The following PTPRT variants were observed in gnomAD, a reference collection of about 807,000 sequenced individuals.
The protein encoded by PTPRT is receptor-type tyrosine-protein phosphatase T.
Under a neutral mutation model 176.8 loss-of-function variants are expected in PTPRT, and 56 were observed. That is an observed-to-expected ratio of 0.32 (90% CI 0.26 to 0.40). PTPRT has a LOEUF of 0.40. Among genes scored for constraint, PTPRT ranks in the 10% least tolerant of loss-of-function variants. The probability of loss-of-function intolerance (pLI) is 1.00; values close to 1 mark genes in which losing one functional copy is unlikely to be tolerated. For missense variants in PTPRT, 1,540 were observed against 1,908.2 expected (o/e 0.81, Z 3.60); for synonymous variants, 783 against 739.0 (o/e 1.06, Z -0.96).
At chr20:42,086,753 A>AAAAAAAAAATATATATATATAT (rs1983991312) in intron 27 of PTPRT, among the ~76,000 whole-genome samples, 1 of 95,544 alleles carries the variant, frequency 1.0e-5, no homozygotes, top group African/African-American at 4.9e-5. Context: ...AAAAAAAAAA[A>AAAAAAAAAATATATATATATAT]ATATATATAT....
chr20:42,082,092 G>A, intron 29 of PTPRT, 75 bp from the exon 30 acceptor site: 2 of 1,598,990 alleles, frequency 1.3e-6, no homozygotes, highest in Non-Finnish European at 1.7e-6. Context: ...AGCTACATCA[G>A]TAGGAGTAGG....
intron 1 of PTPRT, among the ~76,000 whole-genome samples, chr20:43,059,762 T>A (rs370325980): frequency 2.0e-5 from 3 of 152,140 alleles, no homozygotes; most frequent in East Asian, 3.9e-4. Flanking sequence ...GCAGATCAAC[T>A]GATGTCAGGA....
chr20:43,034,860 A>AG (rs1164265158), intron 1 of PTPRT, among the ~76,000 whole-genome samples: 1 of 151,842 alleles, frequency 6.6e-6, no homozygotes, highest in African/African-American at 2.4e-5. Flanking sequence ...CTTGCTGGAG[A>AG]GGGGGGTCCC....
chr20:42,460,409 T>A (rs1364010616), intron 8 of PTPRT, among the ~76,000 whole-genome samples: 1 of 152,116 alleles, frequency 6.6e-6, no homozygotes, highest in Non-Finnish European at 1.5e-5. Context: ...TGGCATCGAG[T>A]AGCTGCTACA....
intron 8 of PTPRT, among the ~76,000 whole-genome samples, chr20:42,462,735 T>C (rs1308758841): frequency 6.6e-6 from 1 of 152,198 alleles, no homozygotes; most frequent in Non-Finnish European, 1.5e-5. Context: ...TGTTTTTTCC[T>C]GAACACCCTG....
intron 24 of PTPRT, 148 bp downstream of exon 24, chr20:42,106,638 T>A (rs1986470421): frequency 2.8e-6 from 3 of 1,080,232 alleles, no homozygotes; most frequent in South Asian, 3.5e-5. Flanking sequence ...CTCACCATAG[T>A]AAGCCACGTG....
chr20:42,341,278 C>T (rs1293666770), intron 11 of PTPRT, among the ~76,000 whole-genome samples: 2 of 152,124 alleles, frequency 1.3e-5, no homozygotes, highest in Non-Finnish European at 2.9e-5. Context: ...CTTTTTAAAG[C>T]AAGCCTACAC....
intron 16 of PTPRT, among the ~76,000 whole-genome samples, chr20:42,175,719 T>C (rs571014665): frequency 6.9e-4 from 105 of 152,270 alleles, no homozygotes; most frequent in African/African-American, 2.4e-3. Context: ...ATTAATGATG[T>C]GTACAGTTAA....
chr20:42,111,286 A>G (rs994375108), intron 22 of PTPRT, among the ~76,000 whole-genome samples: 2 of 147,834 alleles, frequency 1.4e-5, no homozygotes, highest in African/African-American at 5.1e-5. Flanking sequence ...CTGAATAGGA[A>G]GAGTCTGTTT....
At chr20:42,539,679 A>G (rs1317937596) in intron 7 of PTPRT, among the ~76,000 whole-genome samples, 1 of 151,984 alleles carries the variant, frequency 6.6e-6, no homozygotes, top group Non-Finnish European at 1.5e-5. Flanking sequence ...AAAACAAACT[A>G]TTACTAACAT....
intron 7 of PTPRT, among the ~76,000 whole-genome samples, chr20:42,595,609 C>A (rs2073656432): frequency 6.6e-6 from 1 of 152,158 alleles, no homozygotes; most frequent in Non-Finnish European, 1.5e-5. Context: ...CCTATAAGCC[C>A]ACCGACTGGA....
At chr20:42,356,191 GA>G (rs1197606749) in intron 9 of PTPRT, among the ~76,000 whole-genome samples, 7 of 152,078 alleles carry the variant, frequency 4.6e-5, no homozygotes, top group Non-Finnish European at 7.3e-5. Context: ...AATATAATAT[GA>G]ACCTTCATTT....
chr20:42,814,578 A>C (rs2145631251), intron 2 of PTPRT, among the ~76,000 whole-genome samples: 1 of 152,354 alleles, frequency 6.6e-6, no homozygotes. Context: ...ATAAAATGTT[A>C]GCACTTAAAT....
chr20:42,950,509 A>G (rs1198003114), intron 1 of PTPRT, among the ~76,000 whole-genome samples: 1 of 152,176 alleles, frequency 6.6e-6, no homozygotes, highest in African/African-American at 2.4e-5. Context: ...CTGTGGAAAC[A>G]GCATGGAATC....
At chr20:43,045,378 T>C (rs1264611611) in intron 1 of PTPRT, among the ~76,000 whole-genome samples, 1 of 152,248 alleles carries the variant, frequency 6.6e-6, no homozygotes, top group East Asian at 1.9e-4. Flanking sequence ...AACTACTTTG[T>C]GCCAGGCATT....
intron 1 of PTPRT, among the ~76,000 whole-genome samples, chr20:43,178,943 T>C (rs1388528557): frequency 6.6e-6 from 1 of 152,190 alleles, no homozygotes; most frequent in East Asian, 1.9e-4. Context: ...GGACTTAGGG[T>C]TGGAACCATC....
intron 1 of PTPRT, among the ~76,000 whole-genome samples, chr20:43,151,198 A>C (rs1030347591): frequency 6.6e-6 from 1 of 151,308 alleles, no homozygotes; most frequent in Non-Finnish European, 1.5e-5. Flanking sequence ...CCCAGCTACT[A>C]GGGAGGCTGA....
intron 7 of PTPRT, among the ~76,000 whole-genome samples, chr20:42,668,530 A>T (rs888094727): frequency 6.6e-6 from 1 of 152,120 alleles, no homozygotes; most frequent in Non-Finnish European, 1.5e-5. Flanking sequence ...TTATAGGTTT[A>T]AAGAGAGAGA....
chr20:42,727,208 C>T lies in PTPRT; in HGVS notation c.859+29254G>A, dbSNP rs192177751. On this transcript the variant is annotated intron_variant, in intron 6 of 30. Transcript: ENST00000373187. ...TTCTCATTTGGGCCTCCATCCCCCC[C>T]GTTCCAATGCAAGCAAAAAAAGAGG... Among the ~76,000 whole-genome samples, 7 of 152,264 alleles carry T rather than the reference C, an allele frequency of 4.6e-5. No homozygotes were observed. In the East Asian group the frequency reaches 7.8e-4, roughly 17 times the overall value.
Sources: allele counts gnomAD v4.1 joint callset (sites outside exome capture counted in the v4.1 genomes callset), GRCh38; gene constraint gnomAD v4.1.1; transcripts MANE v1.5; gene names NCBI Gene and HGNC (gene_info 2026-07-23, HGNC 2026-07-21).